RNF168: variants seen among roughly 807,000 people sequenced by gnomAD.
RNF168 encodes E3 ubiquitin-protein ligase RNF168.
A neutral mutation model predicts 34.9 loss-of-function variants in RNF168; 34 were observed. The ratio of observed to expected loss-of-function variants is 0.97; its 90% CI spans 0.74 to 1.30. The LOEUF is 1.30. RNF168 is among the 50% of genes most tolerant of loss of function. The pLI is 0.00. For synonymous variants in RNF168, 264 were observed against 254.7 expected (o/e 1.04, Z -0.35); for missense variants, 725 against 682.5 (o/e 1.06, Z -0.69).
Position 196,485,877 on chromosome 3 carries a change from C to T in RNF168, c.558+1522G>A, listed in dbSNP as rs574966808. On this transcript the variant is annotated intron_variant, in intron 3 of 5. Transcript: ENST00000318037. ...AGCTGAAGAATTGTTTTCACAGGCTCTCAAACCTGAATGTTTCACACTTCC... is the reference window on the plus strand; with the variant it reads ...AGCTGAAGAATTGTTTTCACAGGCTTTCAAACCTGAATGTTTCACACTTCC... 2.4e-3 allele frequency among the ~76,000 whole-genome samples: 368 copies of T among 152,248 alleles called. 1 individual carries two copies. Among genetic ancestry groups the T allele is most frequent in the African/African-American group, 8.5e-3 (355 of 41,542 alleles).
intron 4 of RNF168, among the ~76,000 whole-genome samples, chr3:196,481,249 A>G (rs1479326882): frequency 6.6e-6 from 1 of 152,134 alleles, no homozygotes; most frequent in Non-Finnish European, 1.5e-5. Context: ...GGTGGAGAGT[A>G]GCAGGCCACC....
Position 196,503,305 on chromosome 3 carries a change from A to G in RNF168, c.-132T>C. The G allele has an allele frequency of 1.2e-6, 1 of 811,436 alleles. No homozygotes were observed. 50.3% of individuals were successfully genotyped at this position (811,436 alleles called of 1,614,324 possible). A position where few individuals can be genotyped will look rare whatever the true frequency, so the allele number is the denominator to read the frequency against. On this transcript the variant is annotated 5_prime_UTR_variant, in exon 1 of 6. Coordinates refer to ENST00000318037, the MANE Select transcript of RNF168 (RefSeq NM_152617.4). ...TGCCCAGAAGCGTATCAGAATTCGG[A>G]GAACAGGAGCATCCAACACGTCTTG...
At chr3:196,501,065 C>T (rs896579153) in intron 1 of RNF168, among the ~76,000 whole-genome samples, 1 of 152,172 alleles carries the variant, frequency 6.6e-6, no homozygotes, top group African/African-American at 2.4e-5. Context: ...ACTAGCATGG[C>T]ACGGAAAATA....
In RNF168 at chr3:196,472,393, A is replaced by AT. The variant is rs1696357167; in HGVS notation, c.1141dup (p.Ile381AsnfsTer3). On this transcript the variant is annotated frameshift_variant, in exon 6 of 6. Coordinates refer to ENST00000318037, the MANE Select transcript of RNF168 (RefSeq NM_152617.4). LOFTEE classifies it low-confidence loss of function (END_TRUNC). ...TTTTCTTTTGGAAATCTCCTTACTG[A>AT]TCAGTAGGCACGACTCTTCATTTTC... The AT allele has an allele frequency of 3.7e-6, 6 of 1,613,812 alleles. No homozygotes were observed. Among genetic ancestry groups the AT allele is most frequent in the Non-Finnish European group, 5.1e-6 (6 of 1,179,996 alleles).
At chr3:196,472,897 ATT>A in intron 5 of RNF168, 125 bp from the exon 6 acceptor site, 1 of 612,458 alleles carries the variant, frequency 1.6e-6, no homozygotes, top group Non-Finnish European at 2.9e-6. Context: ...TAAGGTATAT[ATT>A]TCTTTCTTTC....
intron 1 of RNF168, among the ~76,000 whole-genome samples, chr3:196,494,713 T>C (rs192690536): frequency 6.6e-6 from 1 of 152,156 alleles, no homozygotes; most frequent in African/African-American, 2.4e-5. Flanking sequence ...GGCTGGATCA[T>C]CACCAAGTAG....
intron 3 of RNF168, 58 bp downstream of exon 3, chr3:196,487,341 T>A (rs1328930736): frequency 7.2e-7 from 1 of 1,385,208 alleles, no homozygotes; most frequent in Non-Finnish European, 1.0e-6. Context: ...ATGAGCGGGT[T>A]CTGCAGCAGC....
intron 2 of RNF168, 110 bp from the exon 3 acceptor site, chr3:196,487,688 A>G (rs1732491154): frequency 1.2e-5 from 12 of 993,622 alleles, no homozygotes; most frequent in Non-Finnish European, 1.7e-5. Flanking sequence ...CAGAAATTTA[A>G]ATGATCTCAA....
At position 196,483,830 on chromosome 3, in the gene RNF168, A is replaced by G; in HGVS notation, c.620T>C (p.Val207Ala). The G allele has an allele frequency of 1.2e-6, 2 of 1,608,362 alleles. No homozygotes were observed. Among genetic ancestry groups the G allele is most frequent in the Non-Finnish European group, 1.7e-6 (2 of 1,174,862 alleles). Residue 207 changes from valine to alanine, a missense_variant, in exon 4 of 6, where the codon GTT becomes GCT. Physicochemically the swap from Val to Ala is moderately conservative, Grantham distance 64. Transcript: ENST00000318037. ...SPLNSRKSDPVTPKSEKKSKN... is the reference protein window; with the variant it reads ...SPLNSRKSDPATPKSEKKSKN... ...ACTTTTCTTTTCAGACTTGGGTGTA[A>G]CTGGATCAGATTTTCTGGAATTCAA...
intron 1 of RNF168, among the ~76,000 whole-genome samples, chr3:196,499,595 G>T (rs1732830996): frequency 6.6e-6 from 1 of 152,208 alleles, no homozygotes; most frequent in Non-Finnish European, 1.5e-5. Context: ...GGCCAAGACA[G>T]GTGGATCACG....
At chr3:196,497,363 A>G (rs1160903411) in intron 1 of RNF168, among the ~76,000 whole-genome samples, 1 of 152,202 alleles carries the variant, frequency 6.6e-6, no homozygotes, top group Non-Finnish European at 1.5e-5. Context: ...GAAATGGATC[A>G]AAGACCTAAA....
In RNF168 at chr3:196,503,708, G is replaced by GAGA; in HGVS notation, c.-536_-535insTCT. ...CAGTTTCCCAGAGCTCCGCGCCCCC[G>GAGA]TCCCTCCTACGCAGCCAGAAACCCT... On this transcript the variant is annotated 5_prime_UTR_variant, in exon 1 of 6. Coordinates refer to ENST00000318037, the MANE Select transcript of RNF168 (RefSeq NM_152617.4). The GAGA allele has an allele frequency of 1.1e-5, 2 of 181,892 alleles. No individual in the cohort carries two copies. Among genetic ancestry groups the GAGA allele is most frequent in the South Asian group, 9.9e-5 (1 of 10,124 alleles). 11.3% of individuals were successfully genotyped at this position (181,892 alleles called of 1,614,324 possible).
Position 196,472,521 on chromosome 3 carries a change from G to A in RNF168, c.1014C>T (p.Pro338=), listed in dbSNP as rs1161768852. 7 of 1,614,038 alleles carry A rather than the reference G, an allele frequency of 4.3e-6. No homozygotes were observed. Among genetic ancestry groups the A allele is most frequent in the Non-Finnish European group, 5.9e-6 (7 of 1,180,036 alleles). The part of the protein sequence containing the change: ...LSHERPKTRV[P]YSKETAVMPC... ...GCATAACTGCAGTTTCTTTCGAGTA[G>A]GGAACTCTGGTTTTAGGTCGCTCGT... Residue 338 remains proline (P), a synonymous_variant, in exon 6 of 6, where the codon CCC becomes CCT. Transcript: ENST00000318037.
At chr3:196,481,682 GTTTTTTTTTTTT>G (rs34739638) in intron 4 of RNF168, among the ~76,000 whole-genome samples, 8 of 62,392 alleles carry the variant, frequency 1.3e-4, no homozygotes, top group South Asian at 7.5e-4. Flanking sequence ...TTTCAGCTGC[GTTTTTTTTTTTT>G]TTTTTTTTTT....
At chr3:196,488,219 C>A (rs1235737841) in intron 2 of RNF168, among the ~76,000 whole-genome samples, 1 of 152,156 alleles carries the variant, frequency 6.6e-6, no homozygotes, top group East Asian at 1.9e-4. Context: ...CAGTGGCTCA[C>A]ACCTATAATC....
chr3:196,488,897 G>A (rs764951058), intron 1 of RNF168, among the ~76,000 whole-genome samples: 2 of 151,858 alleles, frequency 1.3e-5, no homozygotes, highest in Admixed American at 1.3e-4. Context: ...TGCTGCCCAG[G>A]CTGGAGTGCA....
Position 196,472,521 on chromosome 3 carries a change from G to C in RNF168, c.1014C>G (p.Pro338=), listed in dbSNP as rs1161768852. The C allele has an allele frequency of 1.2e-6, 2 of 1,614,156 alleles. No individual in the cohort carries two copies. The highest frequency in any genetic ancestry group is 2.7e-5 in the African/African-American group (2 of 75,040). Residue 338 remains proline, a synonymous_variant, in exon 6 of 6, where the codon CCC becomes CCG. Coordinates refer to ENST00000318037, the MANE Select transcript of RNF168 (RefSeq NM_152617.4). ...GCATAACTGCAGTTTCTTTCGAGTA[G>C]GGAACTCTGGTTTTAGGTCGCTCGT... is the stretch of plus-strand genomic sequence containing the variant. ...LSHERPKTRV[P]YSKETAVMPC...
At chr3:196,492,759 C>CAG (rs764399187) in intron 1 of RNF168, among the ~76,000 whole-genome samples, 3 of 151,898 alleles carry the variant, frequency 2.0e-5, no homozygotes, top group African/African-American at 7.3e-5. Context: ...GCCTGGGTGA[C>CAG]AGAGAGAGAC....
intron 4 of RNF168, among the ~76,000 whole-genome samples, chr3:196,475,946 G>A (rs1164392594): frequency 1.3e-5 from 2 of 151,096 alleles, no homozygotes; most frequent in Admixed American, 6.6e-5. Context: ...TGCAACCTCC[G>A]CCTCCCGGGT....
Sources: allele counts gnomAD v4.1 joint callset (sites outside exome capture counted in the v4.1 genomes callset), GRCh38; gene constraint gnomAD v4.1.1; transcripts MANE v1.5; gene names NCBI Gene and HGNC (gene_info 2026-07-23, HGNC 2026-07-21).